The following NUDCD3 variants were observed in gnomAD, a reference collection of about 807,000 sequenced individuals.
NUDCD3 encodes the protein NudC domain containing 3.
NUDCD3 carries 13 observed loss-of-function variants against 39.7 expected under a neutral mutation model. The ratio of observed to expected loss-of-function variants is 0.33; its 90% confidence interval spans 0.21 to 0.52. The LOEUF (loss-of-function observed/expected upper bound fraction) is 0.52. NUDCD3 is among the 20% of genes least tolerant of loss of function. The probability of loss-of-function intolerance (pLI) is 0.96; values close to 1 mark genes in which losing one functional copy is unlikely to be tolerated. For synonymous variants in NUDCD3, 175 were observed against 172.4 expected (o/e 1.02, Z -0.12); for missense variants, 453 against 458.1 (o/e 0.99, Z 0.10).
Position 44,404,577 on chromosome 7 carries a change from C to A in NUDCD3, c.649G>T (p.Val217Leu). 1 of 1,613,800 alleles carries A rather than the reference C, an allele frequency of 6.2e-7. No individual in the cohort carries two copies. The highest frequency in any genetic ancestry group is 8.5e-7 in the Non-Finnish European group (1 of 1,179,974). The change falls in exon 4 of 6, where the codon GTG (valine) becomes TTG (leucine). Residue 217 changes from valine to leucine, a missense_variant. Transcript: ENST00000355451. ...CGAATGGAGCTGCTGCTAAGGGCCACTGAGACCTGGGGACACAGCAGAAGA... is the reference window on the plus strand; with the variant it reads ...CGAATGGAGCTGCTGCTAAGGGCCAATGAGACCTGGGGACACAGCAGAAGA... ...KHVVKGKQVS[V>L]ALSSSSIRVA...
intron 5 of NUDCD3, among the ~76,000 whole-genome samples, chr7:44,389,907 C>T (rs189686675): frequency 2.6e-5 from 4 of 152,262 alleles, no homozygotes; most frequent in Admixed American, 6.5e-5. Context: ...CACCTCCATG[C>T]GTGTCTTTGG....
At chr7:44,461,580 C>A (rs1800016430) in intron 2 of NUDCD3, among the ~76,000 whole-genome samples, 1 of 152,130 alleles carries the variant, frequency 6.6e-6, no homozygotes, top group Non-Finnish European at 1.5e-5. Flanking sequence ...CAGCCGCAGA[C>A]ACATGGTACA....
In NUDCD3 at chr7:44,427,580, C is replaced by G; in HGVS notation, c.633G>C (p.Lys211Asn). Reference protein sequence around the residue: ...VRVPVPKHVVKGKQVSVALSS... With the variant: ...VRVPVPKHVVNGKQVSVALSS... ...CCGCCAAGGCCATTACCTGCTTTCC[C>G]TTCACCACGTGCTTGGGTACTGGCA... The change falls in exon 3 of 6, where the codon AAG becomes AAC. Residue 211 changes from lysine to asparagine, a missense_variant. Physicochemically the swap from Lys to Asn is moderately conservative, Grantham distance 94. Transcript: ENST00000355451. 1 of 1,612,730 alleles carries G rather than the reference C, an allele frequency of 6.2e-7. No homozygotes were observed. Among genetic ancestry groups the G allele is most frequent in the Non-Finnish European group, 8.5e-7 (1 of 1,179,348 alleles).
At chr7:44,423,011 C>G (rs10216103) in intron 3 of NUDCD3, among the ~76,000 whole-genome samples, 19,548 of 152,110 alleles carry the variant, frequency 0.13, 1,663 homozygotes, top group Non-Finnish European at 0.19. Flanking sequence ...AAATGTAATC[C>G]ATCACATAAA....
chr7:44,398,706 C>T (rs534713942), intron 4 of NUDCD3, among the ~76,000 whole-genome samples: 5 of 152,316 alleles, frequency 3.3e-5, no homozygotes, highest in African/African-American at 9.6e-5. Context: ...CCAGCGAGGA[C>T]GACTTTACTC....
At chr7:44,474,164 A>T (rs1800313849) in intron 2 of NUDCD3, among the ~76,000 whole-genome samples, 1 of 149,732 alleles carries the variant, frequency 6.7e-6, no homozygotes, top group Non-Finnish European at 1.5e-5. Context: ...TGAAGTACAT[A>T]TATTACCTTT....
chr7:44,440,720 G>A (rs1207580008), intron 2 of NUDCD3, among the ~76,000 whole-genome samples: 1 of 152,096 alleles, frequency 6.6e-6, no homozygotes, highest in Admixed American at 6.5e-5. Flanking sequence ...CTCATACTAG[G>A]TGTGTTATCT....
At chr7:44,400,812 GTTTC>G (rs1338487908) in intron 4 of NUDCD3, among the ~76,000 whole-genome samples, 2 of 152,218 alleles carry the variant, frequency 1.3e-5, no homozygotes, top group East Asian at 3.9e-4. Context: ...GTCTTCTCCT[GTTTC>G]TTATAAAGAC....
intron 2 of NUDCD3, among the ~76,000 whole-genome samples, chr7:44,429,722 T>G (rs1310611745): frequency 6.6e-6 from 1 of 152,050 alleles, no homozygotes; most frequent in African/African-American, 2.4e-5. Flanking sequence ...AGCCTTAAAC[T>G]ACTCACACAG....
chr7:44,408,468 T>C (rs1798868015), intron 3 of NUDCD3, among the ~76,000 whole-genome samples: 1 of 152,132 alleles, frequency 6.6e-6, no homozygotes, highest in Non-Finnish European at 1.5e-5. Flanking sequence ...GAGGTTATGA[T>C]GAAGTATACT....
chr7:44,407,730 C>T (rs1333878784), intron 3 of NUDCD3, among the ~76,000 whole-genome samples: 1 of 151,452 alleles, frequency 6.6e-6, no homozygotes, highest in African/African-American at 2.4e-5. Flanking sequence ...GACACTATAT[C>T]CATATAACCA....
chr7:44,408,472 G>C (rs1798868085), intron 3 of NUDCD3, among the ~76,000 whole-genome samples: 1 of 152,154 alleles, frequency 6.6e-6, no homozygotes, highest in Non-Finnish European at 1.5e-5. Context: ...TTATGATGAA[G>C]TATACTATTT....
intron 1 of NUDCD3, among the ~76,000 whole-genome samples, chr7:44,487,910 G>A (rs574965157): frequency 1.3e-3 from 193 of 151,494 alleles, no homozygotes; most frequent in African/African-American, 4.4e-3. Flanking sequence ...CCAAGATTGC[G>A]CCACTGCACT....
At chr7:44,417,688 A>T (rs1799054517) in intron 3 of NUDCD3, among the ~76,000 whole-genome samples, 1 of 152,210 alleles carries the variant, frequency 6.6e-6, no homozygotes, top group South Asian at 2.1e-4. Context: ...AACCCACTAA[A>T]ACCCCAAAAT....
chr7:44,425,533 T>C (rs1354304187), intron 3 of NUDCD3, among the ~76,000 whole-genome samples: 1 of 152,150 alleles, frequency 6.6e-6, no homozygotes, highest in Non-Finnish European at 1.5e-5. Context: ...GTTATTCTTA[T>C]CACAATTCCT....
chr7:44,484,950 C>A lies in NUDCD3; in HGVS notation c.509+18G>T, dbSNP rs769328179. On this transcript the variant is annotated intron_variant, in intron 2 of 5. Coordinates refer to ENST00000355451, the MANE Select transcript of NUDCD3 (RefSeq NM_015332.4). ...TGTTACGCAAGAAAGAAGGAAGCTG[C>A]AAAGTAGAAATTCCCACCTGGGAAG... The A allele has an allele frequency of 6.4e-7, 1 of 1,565,030 alleles. No individual in the cohort carries two copies. Among genetic ancestry groups the A allele is most frequent in the Admixed American group, 2.0e-5 (1 of 51,072 alleles).
chr7:44,441,633 C>CTTCA (rs962382482), intron 2 of NUDCD3, among the ~76,000 whole-genome samples: 11 of 152,278 alleles, frequency 7.2e-5, no homozygotes, highest in Admixed American at 5.9e-4. Flanking sequence ...GGATCCCAGG[C>CTTCA]TTCAGGTCAG....
intron 3 of NUDCD3, among the ~76,000 whole-genome samples, chr7:44,406,814 A>G (rs1798829949): frequency 6.6e-6 from 1 of 152,220 alleles, no homozygotes; most frequent in Non-Finnish European, 1.5e-5. Flanking sequence ...TGAGATGTCA[A>G]CAAATCTGCA....
At chr7:44,424,455 A>T (rs1381346840) in intron 3 of NUDCD3, among the ~76,000 whole-genome samples, 1 of 151,468 alleles carries the variant, frequency 6.6e-6, no homozygotes, top group Non-Finnish European at 1.5e-5. Flanking sequence ...AAGAAAAAAA[A>T]AATCCCATCA....
Sources: gnomAD v4.1 joint callset for allele counts (sites outside exome capture counted in the v4.1 genomes callset) on GRCh38, gnomAD v4.1.1 for gene constraint, MANE v1.5 for transcripts, NCBI Gene and HGNC (gene_info 2026-07-23, HGNC 2026-07-21) for gene names.